SEPTIN7: variants seen among roughly 807,000 people sequenced by gnomAD.
SEPTIN7 encodes septin 7, also known as septin-7.
Under a neutral mutation model 63.3 loss-of-function variants are expected in SEPTIN7, and 10 were observed. The ratio of observed to expected loss-of-function variants is 0.16; its 90% confidence interval spans 0.10 to 0.27. The LOEUF (loss-of-function observed/expected upper bound fraction) is 0.27, where lower values mean the gene tolerates loss of function less well. Among genes scored for constraint, SEPTIN7 ranks in the 10% least tolerant of loss-of-function variants. The pLI, the probability that SEPTIN7 is intolerant of heterozygous loss-of-function variation, is 1.00. For synonymous variants in SEPTIN7, 131 were observed against 165.3 expected, an observed-to-expected ratio of 0.79 and a Z score of 1.59; for missense variants, 310 against 521.0, an observed-to-expected ratio of 0.59 and a Z score of 3.94.
intron 11 of SEPTIN7, among the ~76,000 whole-genome samples, chr7:35,894,328 A>G (rs1165819014): frequency 2.0e-5 from 3 of 151,964 alleles, no homozygotes; most frequent in African/African-American, 4.8e-5. Flanking sequence ...CCTTATGTTA[A>G]TTTATTTTTC....
chr7:35,804,843 T>TTG (rs1236981915), intron 1 of SEPTIN7, among the ~76,000 whole-genome samples: 2 of 148,526 alleles, frequency 1.3e-5, no homozygotes, highest in Non-Finnish European at 3.0e-5. Context: ...TTGTTTTTTT[T>TTG]TTTTTTTTTT....
At chr7:35,876,134 C>T (rs1217345613) in intron 6 of SEPTIN7, among the ~76,000 whole-genome samples, 1 of 151,998 alleles carries the variant, frequency 6.6e-6, no homozygotes, top group Non-Finnish European at 1.5e-5. Context: ...TTCTTTGACC[C>T]TTTGGTTATA....
At chr7:35,907,637 A>G (rs1444289599), downstream of SEPTIN7, among the ~76,000 whole-genome samples, 2 of 152,148 alleles carry the variant, frequency 1.3e-5, no homozygotes, top group Non-Finnish European at 1.5e-5. Context: ...ACGCCTTGCA[A>G]GTACCTGGTC....
At chr7:35,859,179 C>T (rs1238192300) in intron 3 of SEPTIN7, among the ~76,000 whole-genome samples, 3 of 151,896 alleles carry the variant, frequency 2.0e-5, no homozygotes, top group South Asian at 4.1e-4. Context: ...TTCTGTATTC[C>T]GTAAGTTTCG....
At chr7:35,882,389 G>A (rs1418312085) in intron 7 of SEPTIN7, 95 bp from the exon 8 acceptor site, 1 of 880,012 alleles carries the variant, frequency 1.1e-6, no homozygotes, top group Admixed American at 4.8e-5. Flanking sequence ...TGGAACCAAG[G>A]ACCCATATAG....
intron 4 of SEPTIN7, among the ~76,000 whole-genome samples, chr7:35,866,576 A>G (rs1004853467): frequency 3.9e-5 from 6 of 152,200 alleles, no homozygotes; most frequent in Non-Finnish European, 7.3e-5. Flanking sequence ...GGCATTATCT[A>G]TTTATAAGAG....
chr7:35,869,034 T>C (rs1270614647), intron 4 of SEPTIN7, among the ~76,000 whole-genome samples: 1 of 152,136 alleles, frequency 6.6e-6, no homozygotes, highest in Non-Finnish European at 1.5e-5. Context: ...AGGGAAATTC[T>C]TGTTGAGGTT....
chr7:35,819,341 A>G (rs1336670304), intron 1 of SEPTIN7, among the ~76,000 whole-genome samples: 2 of 152,130 alleles, frequency 1.3e-5, no homozygotes, highest in Admixed American at 6.6e-5. Flanking sequence ...GCCCATTTAA[A>G]TTGAGACGTG....
chr7:35,902,903 GTCC>G (rs1763150749), intron 12 of SEPTIN7, 170 bp from the exon 13 acceptor site: 1 of 977,806 alleles, frequency 1.0e-6, no homozygotes, highest in African/African-American at 1.7e-5. Flanking sequence ...TGGGTGGCAG[GTCC>G]TAAAGGAGGA....
At chr7:35,858,999 C>G (rs1350543694) in intron 3 of SEPTIN7, among the ~76,000 whole-genome samples, 3 of 152,094 alleles carry the variant, frequency 2.0e-5, no homozygotes, top group Non-Finnish European at 4.4e-5. Context: ...CTTAAAATCT[C>G]TTTTATTTAT....
At position 35,903,352 on chromosome 7, in the gene SEPTIN7, A is replaced by T. The variant is rs774634340; in HGVS notation, c.1274+137A>T. The T allele has an allele frequency of 1.6e-5, 21 of 1,351,218 alleles. No homozygotes were observed. The African/African-American group carries it at 2.1e-4, about 13-fold the overall frequency. The allele number at this position is 1,351,218 out of a possible 1,614,324, so 83.7% of individuals were successfully genotyped here. ...ATGCATTCCAAACACAATGGTTTTC[A>T]TAGATAAATATTTTTATATGGATGG... is the stretch of plus-strand genomic sequence containing the variant. On this transcript the variant is annotated intron_variant, in intron 13 of 13. Transcript: ENST00000350320.
At chr7:35,883,733 T>C (rs1787049188) in intron 8 of SEPTIN7, among the ~76,000 whole-genome samples, 158 bp from the exon 9 acceptor site, 1 of 152,042 alleles carries the variant, frequency 6.6e-6, no homozygotes, top group South Asian at 2.1e-4. Context: ...GGCAGTTTAC[T>C]AAATATTTGT....
intron 2 of SEPTIN7, 110 bp downstream of exon 2, chr7:35,831,606 T>A (rs1279708953): frequency 6.5e-6 from 2 of 306,794 alleles, no homozygotes; most frequent in Non-Finnish European, 1.3e-5. Context: ...AATGCATATT[T>A]CTAACTCCAC....
intron 1 of SEPTIN7, among the ~76,000 whole-genome samples, chr7:35,815,602 A>G (rs761457227): frequency 5.6e-4 from 85 of 152,220 alleles, no homozygotes; most frequent in Non-Finnish European, 1.0e-3. Flanking sequence ...CTTACTTGCT[A>G]GAGTATATTT....
intron 13 of SEPTIN7, among the ~76,000 whole-genome samples, chr7:35,903,457 C>G (rs147731596): frequency 1.3e-5 from 2 of 152,142 alleles, no homozygotes; most frequent in African/African-American, 4.8e-5. Flanking sequence ...TTAGCAACTT[C>G]ATAACATTCT....
At chr7:35,884,010 A>C in intron 9 of SEPTIN7, 23 bp downstream of exon 9, 1 of 1,419,178 alleles carries the variant, frequency 7.0e-7, no homozygotes, top group Non-Finnish European at 1.0e-6. Flanking sequence ...TCAGTGAATG[A>C]CTTTCTAAAA....
chr7:35,818,127 C>G (rs912578710), intron 1 of SEPTIN7, among the ~76,000 whole-genome samples: 5 of 151,830 alleles, frequency 3.3e-5, no homozygotes, highest in African/African-American at 1.2e-4. Context: ...CTGAGATGTT[C>G]TTTATGAGGT....
intron 1 of SEPTIN7, among the ~76,000 whole-genome samples, chr7:35,828,240 T>C (rs1158406786): frequency 3.3e-5 from 5 of 152,200 alleles, no homozygotes; most frequent in African/African-American, 1.2e-4. Flanking sequence ...TTTATCAGTA[T>C]GTCTGTTTCT....
chr7:35,900,073 G>C (rs191521780), intron 12 of SEPTIN7: 1 of 152,086 alleles, frequency 6.6e-6, no homozygotes, highest in East Asian at 1.9e-4. Flanking sequence ...TGTAATTACC[G>C]CATAAAATAT....
Sources: gnomAD v4.1 joint callset for allele counts (sites outside exome capture counted in the v4.1 genomes callset) on GRCh38, gnomAD v4.1.1 for gene constraint, MANE v1.5 for transcripts, NCBI Gene and HGNC (gene_info 2026-07-23, HGNC 2026-07-21) for gene names.